Variants in OSCP1 observed in about 807,000 individuals in gnomAD.
The protein encoded by OSCP1 is organic solute carrier partner 1.
Under a neutral mutation model 45.1 loss-of-function variants are expected in OSCP1, and 35 were observed. The observed-to-expected ratio is 0.78, with a 90% confidence interval of 0.59 to 1.03. The LOEUF is 1.03. Among genes scored for constraint, OSCP1 ranks in the 50% least tolerant of loss-of-function variants. OSCP1 has a pLI of 0.00. For missense variants in OSCP1, 400 were observed against 470.7 expected (o/e 0.85, Z 1.39); for synonymous variants, 179 against 180.1 (o/e 0.99, Z 0.05).
intron 2 of OSCP1, among the ~76,000 whole-genome samples, chr1:36,436,099 TCTCTA>T (rs1216330721): frequency 2.5e-5 from 3 of 121,018 alleles, no homozygotes; most frequent in Admixed American, 8.6e-5. Flanking sequence ...TTTCTCTCTC[TCTCTA>T]TTTTTTTTTT....
chr1:36,437,025 T>G (rs1648793047), intron 2 of OSCP1, among the ~76,000 whole-genome samples: 1 of 152,190 alleles, frequency 6.6e-6, no homozygotes, highest in African/African-American at 2.4e-5. Flanking sequence ...TCAGGGTACA[T>G]ACTGGCAACC....
intron 4 of OSCP1, 25 bp from the exon 5 acceptor site, chr1:36,423,491 A>T: frequency 6.5e-7 from 1 of 1,545,882 alleles, no homozygotes; most frequent in Non-Finnish European, 8.9e-7. Context: ...ATTTATTGTC[A>T]TTTTTCTTGG....
chr1:36,423,313 C>T, intron 5 of OSCP1, 50 bp downstream of exon 5: 1 of 1,433,576 alleles, frequency 7.0e-7, no homozygotes, highest in Non-Finnish European at 9.8e-7. Context: ...GGCCCATGTG[C>T]TGATTTCCTA....
chr1:36,450,433 C>T lies in OSCP1; in HGVS notation c.-64G>A. 3 of 1,345,980 alleles carry T rather than the reference C, an allele frequency of 2.2e-6. No homozygotes were observed. Among genetic ancestry groups the T allele is most frequent in the South Asian group, 2.4e-5 (2 of 84,128 alleles). 83.4% of individuals were successfully genotyped at this position (1,345,980 alleles called of 1,614,324 possible). ...GTTCGGTAGCCAGTGGCCTGAAGGC[C>T]AGGCCGCAGCGTCCCAATAGTCCGG... On this transcript the variant is annotated 5_prime_UTR_variant, in exon 1 of 10. Coordinates refer to ENST00000235532, the MANE Select transcript of OSCP1 (RefSeq NM_145047.5).
At chr1:36,422,352 T>G (rs1647693274) in intron 6 of OSCP1, 133 bp from the exon 7 acceptor site, 4 of 814,404 alleles carry the variant, frequency 4.9e-6, no homozygotes. Flanking sequence ...GGGTACAGAA[T>G]GCAACTGAGT....
At chr1:36,439,097 C>T (rs988358711) in intron 1 of OSCP1, 187 bp from the exon 2 acceptor site, 17 of 481,180 alleles carry the variant, frequency 3.5e-5, no homozygotes, top group African/African-American at 3.1e-4. Flanking sequence ...TCTGAGAGTG[C>T]TTTATGACAC....
In OSCP1 at chr1:36,420,622, A is replaced by G. The variant is rs755444962; in HGVS notation, c.820-7T>C. 5.0e-6 allele frequency: 8 copies of G among 1,612,674 alleles called. No individual in the cohort carries two copies. The African/African-American group carries it at 6.7e-5, about 13-fold the overall frequency. On this transcript the variant is annotated splice_region_variant and splice_polypyrimidine_tract_variant and intron_variant, in intron 7 of 9. Coordinates refer to ENST00000235532, the MANE Select transcript of OSCP1 (RefSeq NM_145047.5). ...GGTTTGGAGCAATGCTTTCCTGCAG[A>G]AACAGTTGCATGATTTTTAGCCACA...
chr1:36,444,194 C>G (rs970375350), intron 1 of OSCP1, among the ~76,000 whole-genome samples: 3 of 152,220 alleles, frequency 2.0e-5, no homozygotes, highest in African/African-American at 7.2e-5. Flanking sequence ...CTATTTGAAA[C>G]CTTTAAAAGG....
chr1:36,428,165 G>T, intron 4 of OSCP1: 1 of 1,148,106 alleles, frequency 8.7e-7, no homozygotes, highest in Non-Finnish European at 1.1e-6. Flanking sequence ...ACTCCAGCCT[G>T]GGCGACAGAG....
chr1:36,430,043 C>T (rs1236438173), intron 4 of OSCP1, among the ~76,000 whole-genome samples: 2 of 152,024 alleles, frequency 1.3e-5, no homozygotes, highest in Non-Finnish European at 2.9e-5. Flanking sequence ...GTGATCCACC[C>T]GCCTCGGCCT....
At chr1:36,449,951 A>C (rs116464789) in intron 1 of OSCP1, among the ~76,000 whole-genome samples, 7 of 146,772 alleles carry the variant, frequency 4.8e-5, no homozygotes, top group Non-Finnish European at 8.9e-5. Context: ...TGGGACTCCT[A>C]CATTTGGAAG....
chr1:36,423,712 A>C (rs751028296), intron 4 of OSCP1, among the ~76,000 whole-genome samples: 8 of 151,846 alleles, frequency 5.3e-5, no homozygotes, highest in Non-Finnish European at 1.0e-4. Flanking sequence ...GTCTCTACTA[A>C]AAATACAAAA....
intron 4 of OSCP1, chr1:36,428,311 T>C: frequency 6.2e-7 from 1 of 1,610,974 alleles, no homozygotes. Context: ...TCTTCCCCTT[T>C]TTAAAATTTT....
chr1:36,428,329 C>T lies in OSCP1; in HGVS notation c.516+3473G>A, dbSNP rs115388124. 14,794 of 1,610,694 alleles carry T rather than the reference C, an allele frequency of 9.2e-3. 96 individuals are homozygous for T. The highest frequency in any genetic ancestry group is 0.012 in the Non-Finnish European group (13,943 of 1,178,574). ...TCCCCTTTTTAAAATTTTATTTTGC[C>T]CAGGTACAAAACTCAAAGTTCTCAA... On this transcript the variant is annotated intron_variant, in intron 4 of 9. Transcript: ENST00000235532.
chr1:36,424,910 C>T (rs1397815241), intron 4 of OSCP1, among the ~76,000 whole-genome samples: 2 of 151,938 alleles, frequency 1.3e-5, no homozygotes, highest in East Asian at 1.9e-4. Context: ...TGGTGGCTTA[C>T]GCCTGTAATC....
chr1:36,419,591 A>T (rs1255144997), intron 8 of OSCP1, among the ~76,000 whole-genome samples: 1 of 152,218 alleles, frequency 6.6e-6, no homozygotes, highest in African/African-American at 2.4e-5. Context: ...CACATGAGAT[A>T]ATGCATGCAA....
chr1:36,429,987 C>T (rs188067218), intron 4 of OSCP1, among the ~76,000 whole-genome samples: 40 of 152,008 alleles, frequency 2.6e-4, no homozygotes, highest in African/African-American at 9.4e-4. Context: ...TTAGTAGAGA[C>T]GGGGTTTCAC....
rs200043573 is a variant in OSCP1, at chr1:36,429,535, A to ATTTTTTTTTTT, written c.516+2256_516+2266dup. Among the ~76,000 whole-genome samples the ATTTTTTTTTTT allele has an allele frequency of 2.5e-3, 253 of 100,270 alleles. 19 individuals carry two copies. The highest frequency in any genetic ancestry group is 7.7e-3 in the Middle Eastern group (1 of 130). 65.8% of individuals were successfully genotyped at this position (100,270 alleles called of 152,430 possible). On this transcript the variant is annotated intron_variant, in intron 4 of 9. Transcript: ENST00000235532. ...CACATTCAAAATTCAGAAGCTTAGA[A>ATTTTTTTTTTT]TTTTTTTTTTTTTTTTTTTTTTTTT...
chr1:36,450,432 C>A lies in OSCP1; in HGVS notation c.-63G>T. ...GGTTCGGTAGCCAGTGGCCTGAAGGCCAGGCCGCAGCGTCCCAATAGTCCG... is the reference window on the plus strand; with the variant it reads ...GGTTCGGTAGCCAGTGGCCTGAAGGACAGGCCGCAGCGTCCCAATAGTCCG... On this transcript the variant is annotated 5_prime_UTR_variant, in exon 1 of 10. Coordinates refer to ENST00000235532, the MANE Select transcript of OSCP1 (RefSeq NM_145047.5). 2.2e-6 allele frequency: 3 copies of A among 1,378,496 alleles called. No homozygotes were observed. Among genetic ancestry groups the A allele is most frequent in the Non-Finnish European group, 2.1e-6 (2 of 971,572 alleles). The allele number at this position is 1,378,496 out of a possible 1,614,324, so 85.4% of individuals were successfully genotyped here. A position where few individuals can be genotyped will look rare whatever the true frequency, so the allele number is the denominator to read the frequency against.
Sources: gnomAD v4.1 joint callset for allele counts (sites outside exome capture counted in the v4.1 genomes callset) on GRCh38, gnomAD v4.1.1 for gene constraint, MANE v1.5 for transcripts, NCBI Gene and HGNC (gene_info 2026-07-23, HGNC 2026-07-21) for gene names.